ANXA6: variants seen among roughly 807,000 people sequenced by gnomAD.
The protein encoded by ANXA6 is annexin A6.
Under a neutral mutation model 95.4 loss-of-function variants are expected in ANXA6, and 71 were observed. That is an observed-to-expected ratio of 0.74 (90% CI 0.61 to 0.91). The LOEUF (loss-of-function observed/expected upper bound fraction) is 0.91. Ranked by LOEUF, ANXA6 falls within the 40% of genes least tolerant of loss-of-function variation. The pLI, the probability that ANXA6 is intolerant of heterozygous loss-of-function variation, is 0.00. For synonymous variants in ANXA6, 289 were observed against 315.9 expected (o/e 0.91, Z 0.90); for missense variants, 830 against 876.4 (o/e 0.95, Z 0.67).
chr5:151,105,183 G>A, intron 24 of ANXA6, 62 bp downstream of exon 24: 1 of 1,445,272 alleles, frequency 6.9e-7, no homozygotes, highest in South Asian at 1.1e-5. Context: ...GCACATCTGT[G>A]TGTTTGTGTG....
At chr5:151,124,514 C>G (rs1765260514) in intron 14 of ANXA6, 147 bp from the exon 15 acceptor site, 2 of 662,348 alleles carry the variant, frequency 3.0e-6, no homozygotes, top group Non-Finnish European at 5.4e-6. Context: ...GAAGCCACAG[C>G]AGACAGACCC....
intron 13 of ANXA6, 23 bp downstream of exon 13, chr5:151,128,158 C>T: frequency 6.2e-7 from 1 of 1,606,896 alleles, no homozygotes; most frequent in Non-Finnish European, 8.5e-7. Flanking sequence ...TGCCCTCCAG[C>T]CAGGGGCCAA....
At chr5:151,126,304 G>T in intron 14 of ANXA6, 98 bp downstream of exon 14, 1 of 1,044,156 alleles carries the variant, frequency 9.6e-7, no homozygotes. Flanking sequence ...TGTCGGGTTG[G>T]CCGCCAGGGG....
Position 151,108,557 on chromosome 5 carries a change from A to T in ANXA6, c.1685-7T>A. ...TTGATGAACTCCTGGAAGACTGGCC[A>T]CAAGAGAAGCCCCAGAGGTGGGGGT... On this transcript the variant is annotated splice_region_variant and splice_polypyrimidine_tract_variant and intron_variant, in intron 22 of 25. Coordinates refer to ENST00000354546, the MANE Select transcript of ANXA6 (RefSeq NM_001155.5). 1 of 1,613,604 alleles carries T rather than the reference A, an allele frequency of 6.2e-7. No individual in the cohort carries two copies. The highest frequency in any genetic ancestry group is 1.7e-5 in the Admixed American group (1 of 60,026).
chr5:151,152,356 A>G (rs1766128351), intron 1 of ANXA6, among the ~76,000 whole-genome samples: 1 of 152,240 alleles, frequency 6.6e-6, no homozygotes, highest in South Asian at 2.1e-4. Flanking sequence ...GCAATGTGGC[A>G]TTAGAATCAA....
chr5:151,121,355 T>C (rs1337724054), intron 17 of ANXA6, among the ~76,000 whole-genome samples: 1 of 152,234 alleles, frequency 6.6e-6, no homozygotes, highest in Non-Finnish European at 1.5e-5. Context: ...CTAATTGAAC[T>C]AATGTACCTA....
rs1167320548 is a variant in ANXA6 at position 151,100,771 on chromosome 5, A to C, written c.*677T>G. 7.0e-6 allele frequency: 3 copies of C among 426,226 alleles called. No individual in the cohort carries two copies. Among genetic ancestry groups the C allele is most frequent in the African/African-American group, 4.1e-5 (2 of 48,768 alleles). The allele number at this position is 426,226 out of a possible 1,614,324, so 26.4% of individuals were successfully genotyped here. On this transcript the variant is annotated 3_prime_UTR_variant, in exon 26 of 26. Coordinates refer to ENST00000354546, the MANE Select transcript of ANXA6 (RefSeq NM_001155.5). ...AGAAATAAAAAGTGTCAAGGGAATG[A>C]ATCGGAGGCATACTTTAGGAAGTTA...
intron 11 of ANXA6, among the ~76,000 whole-genome samples, 176 bp from the exon 12 acceptor site, chr5:151,129,705 G>T (rs1419332708): frequency 2.7e-5 from 4 of 149,290 alleles, no homozygotes; most frequent in Non-Finnish European, 4.4e-5. Flanking sequence ...TGTTTTGTTT[G>T]TTTGTTTGTT....
In ANXA6 at chr5:151,108,484, C is replaced by T. The variant is rs1162554507; in HGVS notation, c.1751G>A (p.Gly584Glu). Residue 584 changes from glycine (G) to glutamate (E), a missense_variant, in exon 23 of 26, where the codon GGG becomes GAG. Gly to Glu is a moderately conservative substitution (Grantham distance 98). Transcript: ENST00000354546. ...GGCCACAAATGCATCCCTGACATCCCCAGACATCTCCTTCTTGATGGTGTG... is the reference window on the plus strand; with the variant it reads ...GGCCACAAATGCATCCCTGACATCCTCAGACATCTCCTTCTTGATGGTGTG... The part of the protein sequence containing the change: ...VEHTIKKEMS[G>E]DVRDAFVAIV... 6.2e-7 allele frequency: 1 copy of T among 1,613,972 alleles called. No individual in the cohort carries two copies.
At chr5:151,104,060 C>T (rs1166014550) in intron 24 of ANXA6, among the ~76,000 whole-genome samples, 1 of 152,158 alleles carries the variant, frequency 6.6e-6, no homozygotes, top group African/African-American at 2.4e-5. Context: ...CACAGACATA[C>T]ACACAGAAAA....
At position 151,100,722 on chromosome 5, in the gene ANXA6, T is replaced by C. The variant is rs2113883892; in HGVS notation, c.*726A>G. 1 of 377,464 alleles carries C rather than the reference T, an allele frequency of 2.6e-6. No individual in the cohort carries two copies. Among genetic ancestry groups the C allele is most frequent in the African/African-American group, 2.1e-5 (1 of 47,572 alleles). 23.4% of individuals were successfully genotyped at this position (377,464 alleles called of 1,614,324 possible). A position where few individuals can be genotyped will look rare whatever the true frequency, so the allele number is the denominator to read the frequency against. On this transcript the variant is annotated 3_prime_UTR_variant, in exon 26 of 26. Coordinates refer to ENST00000354546, the MANE Select transcript of ANXA6 (RefSeq NM_001155.5). The stretch of plus-strand genomic sequence containing the variant: ...CACTGGAAATGTGTTTATGTGTTTG[T>C]GTATCTCTTTTTATTTCTTCCTTAG...
At chr5:151,126,094 C>G (rs1765306747) in intron 14 of ANXA6, among the ~76,000 whole-genome samples, 3 of 152,206 alleles carry the variant, frequency 2.0e-5, no homozygotes, top group Non-Finnish European at 2.9e-5. Context: ...GCTTTCATGT[C>G]TCTGAGGCCA....
Position 151,138,796 on chromosome 5 carries a change from CAG to C in ANXA6, c.205-7_205-6del. ...CTTTAAATCAGCAATGAGGTCCTGG[CAG>C]GTGGGGAAGAAGAGGAGATAGAAGA... On this transcript the variant is annotated splice_region_variant and splice_polypyrimidine_tract_variant and intron_variant, in intron 4 of 25. Coordinates refer to ENST00000354546, the MANE Select transcript of ANXA6 (RefSeq NM_001155.5). 6.2e-7 allele frequency: 1 copy of C among 1,600,428 alleles called. No individual in the cohort carries two copies. Among genetic ancestry groups the C allele is most frequent in the Non-Finnish European group, 8.6e-7 (1 of 1,168,372 alleles).
chr5:151,103,272 C>T (rs556073943), intron 25 of ANXA6, among the ~76,000 whole-genome samples: 1 of 152,312 alleles, frequency 6.6e-6, no homozygotes, highest in South Asian at 2.1e-4. Context: ...GCTGTGATTA[C>T]AGGTGTGAGC....
In ANXA6 at chr5:151,100,712, T is replaced by C; in HGVS notation, c.*736A>G. The C allele has an allele frequency of 2.7e-6, 1 of 370,858 alleles. No homozygotes were observed. The highest frequency in any genetic ancestry group is 3.4e-5 in the Admixed American group (1 of 29,682). 23.0% of individuals were successfully genotyped at this position (370,858 alleles called of 1,614,324 possible). On this transcript the variant is annotated 3_prime_UTR_variant, in exon 26 of 26. Transcript: ENST00000354546. ...CAGAGGCCCTCACTGGAAATGTGTT[T>C]ATGTGTTTGTGTATCTCTTTTTATT...
At chr5:151,111,692 G>A (rs867510767) in intron 20 of ANXA6, among the ~76,000 whole-genome samples, 18 of 152,232 alleles carry the variant, frequency 1.2e-4, no homozygotes, top group South Asian at 4.1e-4. Flanking sequence ...GGGCTCAAGC[G>A]ATTCTCCTGC....
In ANXA6 at chr5:151,138,726, C is replaced by A. The variant is rs200324031; in HGVS notation, c.270G>T (p.Met90Ile). 3.7e-6 allele frequency: 6 copies of A among 1,613,898 alleles called. No homozygotes were observed. In the Admixed American group the frequency reaches 1.0e-4, roughly 27 times the overall value. ...GKFERLIVGL[M>I]RPPAYCDAKE... is the part of the protein sequence containing the mutation. ...TGGCATCACAATAGGCAGGTGGCCT[C>A]ATCAGGCCCACAATCAACCGTTCAA... Residue 90 changes from methionine (M) to isoleucine (I), a missense_variant, in exon 5 of 26, where the codon ATG (methionine) becomes ATT (isoleucine). By Grantham distance (10) the Met-to-Ile change is conservative. Transcript: ENST00000354546.
chr5:151,100,913 C>G lies in ANXA6; in HGVS notation c.*535G>C, dbSNP rs1311114487. 3 of 456,272 alleles carry G rather than the reference C, an allele frequency of 6.6e-6. No individual in the cohort carries two copies. The highest frequency in any genetic ancestry group is 1.3e-5 in the Non-Finnish European group (3 of 227,096). 28.3% of individuals were successfully genotyped at this position (456,272 alleles called of 1,614,324 possible). ...GTCAGAAACAAGTGCATGGCAGATGCAGATTTGAACCCAGGCATCCAAATT... is the reference window on the plus strand; with the variant it reads ...GTCAGAAACAAGTGCATGGCAGATGGAGATTTGAACCCAGGCATCCAAATT... On this transcript the variant is annotated 3_prime_UTR_variant, in exon 26 of 26. Coordinates refer to ENST00000354546, the MANE Select transcript of ANXA6 (RefSeq NM_001155.5).
intron 11 of ANXA6, 78 bp downstream of exon 11, chr5:151,131,153 C>T: frequency 6.7e-7 from 1 of 1,496,778 alleles, no homozygotes; most frequent in Non-Finnish European, 9.3e-7. Context: ...TCTCTTTGGC[C>T]ACTGGATCCC....
Sources: allele counts gnomAD v4.1 joint callset (sites outside exome capture counted in the v4.1 genomes callset), GRCh38; gene constraint gnomAD v4.1.1; transcripts MANE v1.5; gene names NCBI Gene and HGNC (gene_info 2026-07-23, HGNC 2026-07-21).